Variants in DCST2 observed in about 807,000 individuals in gnomAD.
DCST2 encodes DC-STAMP domain containing 2, also known as DC-STAMP domain-containing protein 2.
In DCST2, 64 loss-of-function variants were observed where a neutral mutation model predicts 81.8. That is an observed-to-expected ratio of 0.78 (90% CI 0.64 to 0.96). DCST2 has a LOEUF of 0.96. Ranked by LOEUF, DCST2 falls within the 40% of genes least tolerant of loss-of-function variation. The probability of loss-of-function intolerance (pLI) is 0.00; values close to 1 mark genes in which losing one functional copy is unlikely to be tolerated. For missense variants in DCST2, 945 were observed against 1,001.4 expected (o/e 0.94, Z 0.76); for synonymous variants, 354 against 402.6 (o/e 0.88, Z 1.44).
At chr1:155,027,789 C>CTG (rs1161000405) in intron 8 of DCST2, among the ~76,000 whole-genome samples, 1 of 151,084 alleles carries the variant, frequency 6.6e-6, no homozygotes, top group Admixed American at 6.6e-5. Context: ...TCTTGAACTC[C>CTG]TGACCTTAGG....
chr1:155,024,602 C>G lies in DCST2; in HGVS notation c.1612G>C (p.Glu538Gln), dbSNP rs745920027. The G allele has an allele frequency of 1.4e-5, 23 of 1,596,406 alleles. 1 individual carries two copies. In the South Asian group the frequency reaches 2.5e-4, roughly 18 times the overall value. ...CASYYPSREQ[E>Q]RISYLYNVLL... ...ACATTGTACAGGTAGGAGATCCTCT[C>G]CTGGTGCGGGGAGATCAGGGATGGG... The change falls in exon 11 of 15, where the codon GAG (glutamate) becomes CAG (glutamine). Residue 538 changes from glutamate (E) to glutamine (Q), a missense_variant and splice_region_variant. Transcript: ENST00000368424.
Position 155,026,623 on chromosome 1 carries a change from C to T in DCST2, c.1435G>A (p.Gly479Ser), listed in dbSNP as rs1250358922. 1 of 1,614,090 alleles carries T rather than the reference C, an allele frequency of 6.2e-7. No homozygotes were observed. The highest frequency in any genetic ancestry group is 1.3e-5 in the African/African-American group (1 of 74,922). Residue 479 changes from glycine (G) to serine (S), a missense_variant, in exon 9 of 15, where the codon GGC (glycine) becomes AGC (serine). By Grantham distance (56) the Gly-to-Ser change is moderately conservative. Coordinates refer to ENST00000368424, the MANE Select transcript of DCST2 (RefSeq NM_144622.3). ...LVSAFDVLQQ[G>S]NISILSRRCL... ...CGCCGGGACAAAATACTGATGTTGC[C>T]TTGCTGCAGGACATCAAATGCTGAC...
At position 155,031,659 on chromosome 1, in the gene DCST2, G is replaced by C; in HGVS notation, c.654C>G (p.Asp218Glu). ...KCARVFDDAK[D>E]SCMMVIPQAY... ...CTTGTGGTATGACCATCATGCAGCT[G>C]TCCTTGGCATCATCGAAAACCCGTG... The change falls in exon 4 of 15, where the codon GAC becomes GAG. Residue 218 changes from aspartate (D) to glutamate (E), a missense_variant. Transcript: ENST00000368424. 6.2e-7 allele frequency: 1 copy of C among 1,614,176 alleles called. No individual in the cohort carries two copies. The highest frequency in any genetic ancestry group is 1.1e-5 in the South Asian group (1 of 91,082).
chr1:155,026,283 C>T lies in DCST2; in HGVS notation c.1611+19G>A. ...CTGGGGAGGGGGCAGGGACTAGCTC[C>T]CAGCCCCGGACCCCTCACCTGCTCC... On this transcript the variant is annotated intron_variant, in intron 10 of 14. Transcript: ENST00000368424. 7 of 1,613,102 alleles carry T rather than the reference C, an allele frequency of 4.3e-6. No homozygotes were observed. The highest frequency in any genetic ancestry group is 5.1e-6 in the Non-Finnish European group (6 of 1,179,760).
chr1:155,020,260 C>T (rs568814325), intron 14 of DCST2, among the ~76,000 whole-genome samples: 1 of 152,338 alleles, frequency 6.6e-6, no homozygotes, highest in East Asian at 1.9e-4. Flanking sequence ...TCTTTCTCTT[C>T]ACCATCAAGC....
chr1:155,020,409 G>A (rs968872626), intron 14 of DCST2, among the ~76,000 whole-genome samples: 6 of 151,864 alleles, frequency 4.0e-5, no homozygotes, highest in Admixed American at 3.3e-4. Context: ...TTGCTCTGTC[G>A]CCCAGGCTGG....
Position 155,024,517 on chromosome 1 carries a change from G to T in DCST2, c.1697C>A (p.Ala566Glu), listed in dbSNP as rs137944418. ...AALHRSVRRRAADQGHRSAFL... is the reference protein window; with the variant it reads ...AALHRSVRRREADQGHRSAFL... ...GGCACTTCTGTGGCCCTGGTCAGCC[G>T]CCCGCCGCCTCACTGATCGGTGCAG... Residue 566 changes from alanine to glutamate, a missense_variant, in exon 11 of 15, where the codon GCG becomes GAG. Ala to Glu is a moderately radical substitution (Grantham distance 107, BLOSUM62 -1). Coordinates refer to ENST00000368424, the MANE Select transcript of DCST2 (RefSeq NM_144622.3). 3 of 1,607,314 alleles carry T rather than the reference G, an allele frequency of 1.9e-6. No individual in the cohort carries two copies. The highest frequency in any genetic ancestry group is 2.5e-6 in the Non-Finnish European group (3 of 1,176,802).
chr1:155,031,617 G>C lies in DCST2; in HGVS notation c.696C>G (p.Tyr232Ter), dbSNP rs376516711. The C allele has an allele frequency of 6.3e-7, 1 of 1,588,996 alleles. No homozygotes were observed. Among genetic ancestry groups the C allele is most frequent in the Non-Finnish European group, 8.6e-7 (1 of 1,165,112 alleles). ...MVIPQAYHLC[Y>*]VLMPFKLALC... ...GCGCCAGTTTGAAGGGCATGAGCAC[G>C]TAACACAGGTGGTAGGCTTGTGGTA... Residue 232 changes from tyrosine to a stop codon, truncating the protein, a stop_gained, in exon 4 of 15, where the codon TAC (tyrosine) becomes TAG (stop). Transcript: ENST00000368424. LOFTEE classifies it high-confidence loss of function.
chr1:155,032,628 C>T (rs777323291), intron 3 of DCST2, 39 bp downstream of exon 3: 2 of 1,581,850 alleles, frequency 1.3e-6, no homozygotes, highest in East Asian at 4.5e-5. Flanking sequence ...GGACTGGGTG[C>T]ATTTTGAGTC....
chr1:155,026,211 G>T, intron 10 of DCST2, 91 bp downstream of exon 10: 1 of 1,224,770 alleles, frequency 8.2e-7, no homozygotes, highest in Non-Finnish European at 1.2e-6. Flanking sequence ...GGCTGCTGAA[G>T]GAAGTCAGCT....
At chr1:155,029,547 GCA>G in intron 7 of DCST2, 150 bp from the exon 8 acceptor site, 1 of 805,896 alleles carries the variant, frequency 1.2e-6, no homozygotes. Flanking sequence ...GAGGACTCTG[GCA>G]AGGATGGAAA....
At position 155,026,555 on chromosome 1, in the gene DCST2, T is replaced by C. The variant is rs757138608; in HGVS notation, c.1503A>G (p.Ile501Met). 1 of 1,614,188 alleles carries C rather than the reference T, an allele frequency of 6.2e-7. No individual in the cohort carries two copies. The highest frequency in any genetic ancestry group is 1.1e-5 in the South Asian group (1 of 91,082). Residue 501 changes from isoleucine (I) to methionine (M), a missense_variant, in exon 9 of 15, where the codon ATA becomes ATG. Coordinates refer to ENST00000368424, the MANE Select transcript of DCST2 (RefSeq NM_144622.3). ...RPSEPDSTGY[I>M]VIGVMYGLCF... The stretch of plus-strand genomic sequence containing the variant: ...TCAGGGTGTAGTTGATACCAATGAC[T>C]ATGTAGCCAGTGCTGTCAGGCTCCG...
At chr1:155,026,748 T>C (rs1659924137) in intron 8 of DCST2, 33 bp from the exon 9 acceptor site, 6 of 1,611,630 alleles carry the variant, frequency 3.7e-6, no homozygotes, top group Non-Finnish European at 4.2e-6. Context: ...GTGACACTCA[T>C]GGCAGTTGCT....
chr1:155,028,018 AG>A (rs1425344816), intron 8 of DCST2, among the ~76,000 whole-genome samples: 2 of 149,266 alleles, frequency 1.3e-5, no homozygotes, highest in East Asian at 2.0e-4. Flanking sequence ...TCTGCCTCCC[AG>A]GTTCAAGTGA....
intron 8 of DCST2, among the ~76,000 whole-genome samples, chr1:155,028,175 C>T (rs1659965851): frequency 6.6e-6 from 1 of 152,210 alleles, no homozygotes; most frequent in East Asian, 1.9e-4. Flanking sequence ...ATCTACCCGC[C>T]TCATCCTCCT....
chr1:155,022,590 T>C (rs1659785549), intron 14 of DCST2, among the ~76,000 whole-genome samples: 1 of 151,798 alleles, frequency 6.6e-6, no homozygotes, highest in South Asian at 2.1e-4. Context: ...AATAACAAAA[T>C]AATAATAATA....
rs771008307 is a variant in DCST2 at position 155,018,592 on chromosome 1, A to C, written c.2274T>G (p.Pro758=). 8.7e-6 allele frequency: 14 copies of C among 1,613,156 alleles called. No homozygotes were observed. Among genetic ancestry groups the C allele is most frequent in the Non-Finnish European group, 1.0e-5 (12 of 1,179,664 alleles). ...GATCAGGAAGAGAGGGAGGTGAGAG[A>C]GGGACTGAGGGTTCTGAAGCTGGAG... ...APTPASEPSV[P]LSPPSLPDPS... The change falls in exon 15 of 15, where the codon CCT becomes CCG. Residue 758 remains proline, a synonymous_variant. Coordinates refer to ENST00000368424, the MANE Select transcript of DCST2 (RefSeq NM_144622.3).
intron 10 of DCST2, among the ~76,000 whole-genome samples, chr1:155,026,079 T>C (rs1659901117): frequency 6.6e-6 from 1 of 151,182 alleles, no homozygotes; most frequent in African/African-American, 2.4e-5. Context: ...AAACTTTGGA[T>C]GTAAATGCTG....
intron 5 of DCST2, 62 bp downstream of exon 5, chr1:155,031,107 C>A (rs1485614764): frequency 6.5e-7 from 1 of 1,539,668 alleles, no homozygotes; most frequent in Non-Finnish European, 8.8e-7. Context: ...GCCATGGCCA[C>A]ACCGGGATGA....
Sources: gnomAD v4.1 joint callset for allele counts (sites outside exome capture counted in the v4.1 genomes callset) on GRCh38, gnomAD v4.1.1 for gene constraint, MANE v1.5 for transcripts, NCBI Gene and HGNC (gene_info 2026-07-23, HGNC 2026-07-21) for gene names.